The following CDKAL1 variants were observed in gnomAD, a reference collection of about 807,000 sequenced individuals.
The protein encoded by CDKAL1 is CDKAL1 threonylcarbamoyladenosine tRNA methylthiotransferase.
Under a neutral mutation model 68.2 loss-of-function variants are expected in CDKAL1, and 32 were observed. The observed-to-expected ratio is 0.47, with a 90% CI of 0.35 to 0.63. The LOEUF (loss-of-function observed/expected upper bound fraction) is 0.63, where lower values mean the gene tolerates loss of function less well. Ranked by LOEUF, CDKAL1 falls within the 30% of genes least tolerant of loss-of-function variation. The pLI is 0.00. For synonymous variants in CDKAL1, 234 were observed against 244.3 expected (o/e 0.96, Z 0.39); for missense variants, 606 against 696.7 (o/e 0.87, Z 1.47).
chr6:21,104,871 C>T (rs770612625), intron 12 of CDKAL1, among the ~76,000 whole-genome samples: 4 of 152,186 alleles, frequency 2.6e-5, no homozygotes, highest in South Asian at 2.1e-4. Context: ...TCAAAACCTA[C>T]ATTAAGTCAC....
chr6:21,157,493 C>T (rs1029896560), intron 13 of CDKAL1, among the ~76,000 whole-genome samples: 3 of 150,438 alleles, frequency 2.0e-5, no homozygotes, highest in East Asian at 4.2e-4. Flanking sequence ...ATTACACAAA[C>T]ACAGTGTGTC....
chr6:20,930,087 C>A (rs1478340827), intron 9 of CDKAL1, among the ~76,000 whole-genome samples: 1 of 151,960 alleles, frequency 6.6e-6, no homozygotes, highest in East Asian at 1.9e-4. Context: ...ACAAAAAGTA[C>A]CAAGAAAAGC....
chr6:20,809,458 G>T (rs1337695771), intron 8 of CDKAL1, among the ~76,000 whole-genome samples: 6 of 152,040 alleles, frequency 3.9e-5, no homozygotes, highest in African/African-American at 1.4e-4. Context: ...ATCATTTTTT[G>T]TAACCATCTG....
intron 13 of CDKAL1, among the ~76,000 whole-genome samples, chr6:21,164,419 C>T (rs542757329): frequency 2.0e-5 from 3 of 152,008 alleles, no homozygotes; most frequent in South Asian, 2.1e-4. Flanking sequence ...ACCTCACTGC[C>T]ATGCCTCATA....
intron 4 of CDKAL1, among the ~76,000 whole-genome samples, chr6:20,562,981 ACT>A (rs1057492458): frequency 6.6e-6 from 1 of 151,894 alleles, no homozygotes; most frequent in African/African-American, 2.4e-5. Flanking sequence ...CATCCCATTG[ACT>A]CTTTCTCTGC....
intron 11 of CDKAL1, among the ~76,000 whole-genome samples, chr6:21,050,766 T>C (rs1038061307): frequency 1.3e-5 from 2 of 152,312 alleles, no homozygotes; most frequent in East Asian, 1.9e-4. Context: ...CTCAGTCCAG[T>C]CCAAGGATTT....
intron 8 of CDKAL1, among the ~76,000 whole-genome samples, chr6:20,819,481 A>G (rs992648173): frequency 2.0e-5 from 3 of 152,088 alleles, no homozygotes; most frequent in African/African-American, 7.2e-5. Flanking sequence ...TTTTGCTTGT[A>G]TTCATTTAGA....
At chr6:20,741,644 C>T (rs540652312) in intron 6 of CDKAL1, among the ~76,000 whole-genome samples, 2 of 142,638 alleles carry the variant, frequency 1.4e-5, no homozygotes, top group East Asian at 3.9e-4. Context: ...AAGACATGCT[C>T]TTGTTTTTGT....
At chr6:20,935,588 C>T (rs575352428) in intron 9 of CDKAL1, among the ~76,000 whole-genome samples, 10 of 152,230 alleles carry the variant, frequency 6.6e-5, no homozygotes, top group South Asian at 6.2e-4. Flanking sequence ...CACCTCCACA[C>T]GCAGCTAATT....
intron 9 of CDKAL1, among the ~76,000 whole-genome samples, chr6:20,946,792 T>C (rs1392935964): frequency 1.3e-5 from 2 of 151,916 alleles, no homozygotes; most frequent in Non-Finnish European, 2.9e-5. Flanking sequence ...GACGGGGGTT[T>C]CTCCATGTTG....
chr6:20,949,535 T>A (rs191802095), intron 9 of CDKAL1, among the ~76,000 whole-genome samples: 3 of 152,336 alleles, frequency 2.0e-5, no homozygotes, highest in Non-Finnish European at 2.9e-5. Context: ...CTCTTTTTTT[T>A]ACTGAAAGCG....
At chr6:20,669,296 C>A (rs183542924) in intron 5 of CDKAL1, among the ~76,000 whole-genome samples, 1 of 152,256 alleles carries the variant, frequency 6.6e-6, no homozygotes, top group African/African-American at 2.4e-5. Context: ...GTCTTCTCCA[C>A]TTATTAATTT....
chr6:20,817,711 G>T (rs1420394695), intron 8 of CDKAL1, among the ~76,000 whole-genome samples: 1 of 150,552 alleles, frequency 6.6e-6, no homozygotes, highest in Non-Finnish European at 1.5e-5. Context: ...ACTAATTATT[G>T]TTGTTTGAAG....
At chr6:21,161,852 G>A (rs1469332937) in intron 13 of CDKAL1, among the ~76,000 whole-genome samples, 1 of 152,048 alleles carries the variant, frequency 6.6e-6, no homozygotes, top group South Asian at 2.1e-4. Context: ...GCTCATAATT[G>A]TTGTCATTTT....
intron 9 of CDKAL1, among the ~76,000 whole-genome samples, chr6:20,855,663 G>A (rs1191921531): frequency 6.6e-6 from 1 of 152,058 alleles, no homozygotes; most frequent in Non-Finnish European, 1.5e-5. Flanking sequence ...ATTTTGTGAG[G>A]TGGTATAGCT....
In CDKAL1 at chr6:20,816,277, G is replaced by A. The variant is rs547647776; in HGVS notation, c.639-29798G>A. Among the ~76,000 whole-genome samples, 114 of 152,124 alleles carry A rather than the reference G, an allele frequency of 7.5e-4. No individual in the cohort carries two copies. The Middle Eastern group carries it at 0.014, about 18-fold the overall frequency. ...TTCCTGGCAGATGTGAATTCTGCAG[G>A]GATACTAGTCAACCCAATACAGCAT... On this transcript the variant is annotated intron_variant, in intron 8 of 15. Coordinates refer to ENST00000274695, the MANE Select transcript of CDKAL1 (RefSeq NM_017774.3).
chr6:20,901,549 C>T (rs367798196), intron 9 of CDKAL1, among the ~76,000 whole-genome samples: 14 of 150,874 alleles, frequency 9.3e-5, no homozygotes, highest in East Asian at 6.0e-4. Flanking sequence ...GGCATGGTGG[C>T]GGGTGCCTGT....
At chr6:20,855,836 A>G (rs949098747) in intron 9 of CDKAL1, among the ~76,000 whole-genome samples, 2 of 152,204 alleles carry the variant, frequency 1.3e-5, no homozygotes, top group African/African-American at 2.4e-5. Flanking sequence ...AAATTTTTTT[A>G]GCTGATTCAG....
At chr6:20,963,167 A>T (rs1442554382) in intron 10 of CDKAL1, among the ~76,000 whole-genome samples, 1 of 152,156 alleles carries the variant, frequency 6.6e-6, no homozygotes, top group Non-Finnish European at 1.5e-5. Flanking sequence ...TGCCTGCCAA[A>T]GGATCTAATA....
Sources: gnomAD v4.1 joint callset for allele counts (sites outside exome capture counted in the v4.1 genomes callset) on GRCh38, gnomAD v4.1.1 for gene constraint, MANE v1.5 for transcripts, NCBI Gene and HGNC (gene_info 2026-07-23, HGNC 2026-07-21) for gene names.